The following PLCZ1 variants were observed in gnomAD, a reference collection of about 807,000 sequenced individuals.
PLCZ1 encodes phospholipase C zeta 1, also known as 1-phosphatidylinositol 4,5-bisphosphate phosphodiesterase zeta-1.
PLCZ1 carries 64 observed loss-of-function variants against 76.8 expected under a neutral mutation model. The ratio of observed to expected loss-of-function variants is 0.83; its 90% CI spans 0.68 to 1.03. The LOEUF (loss-of-function observed/expected upper bound fraction) is 1.03, where lower values mean the gene tolerates loss of function less well. Among genes scored for constraint, PLCZ1 ranks in the 50% least tolerant of loss-of-function variants. The pLI is 0.00. For synonymous variants in PLCZ1, 248 were observed against 230.8 expected (o/e 1.07, Z -0.68); for missense variants, 751 against 713.7 (o/e 1.05, Z -0.60).
chr12:18,697,423 C>T (rs768224435), intron 10 of PLCZ1, among the ~76,000 whole-genome samples: 2 of 152,062 alleles, frequency 1.3e-5, no homozygotes, highest in African/African-American at 2.4e-5. Context: ...GATGTCTGTC[C>T]TTAGGCAAAA....
At chr12:18,674,958 C>T in the PLCZ1 span, among the ~76,000 whole-genome samples, 6 of 152,190 alleles carry the variant, frequency 3.9e-5, no homozygotes, top group Admixed American at 2.0e-4. Context: ...GCTCCAGTCA[C>T]GTGAGTGAAG....
intron 10 of PLCZ1, among the ~76,000 whole-genome samples, chr12:18,697,167 C>G (rs370296734): frequency 3.6e-4 from 54 of 152,068 alleles, no homozygotes; most frequent in Non-Finnish European, 4.9e-4. Flanking sequence ...AGTGACTCAT[C>G]ATGGGAGAAT....
intron 3 of PLCZ1, among the ~76,000 whole-genome samples, chr12:18,727,500 T>C (rs1958820449): frequency 6.6e-6 from 1 of 152,152 alleles, no homozygotes; most frequent in African/African-American, 2.4e-5. Flanking sequence ...GGAAGATATT[T>C]GCCTGAAATT....
intron 12 of PLCZ1, chr12:18,692,699 A>G (rs775842598): frequency 1.3e-4 from 98 of 748,000 alleles, no homozygotes; most frequent in Middle Eastern, 3.7e-4. Context: ...AACAAAATCA[A>G]ATACAGACTT....
intron 13 of PLCZ1, among the ~76,000 whole-genome samples, chr12:18,686,513 T>G (rs1277708252): frequency 6.6e-6 from 1 of 151,402 alleles, no homozygotes; most frequent in Non-Finnish European, 1.5e-5. Flanking sequence ...TTAGGACTTG[T>G]GTTCTGTCTC....
At chr12:18,658,772 A>T in the PLCZ1 span, among the ~76,000 whole-genome samples, 1 of 152,166 alleles carries the variant, frequency 6.6e-6, no homozygotes, top group Non-Finnish European at 1.5e-5. Context: ...GAGAGTAAAA[A>T]GGGAGAGAAT....
chr12:18,672,758 C>T, the PLCZ1 span, among the ~76,000 whole-genome samples: 2 of 152,268 alleles, frequency 1.3e-5, no homozygotes, highest in African/African-American at 4.8e-5. Context: ...ACTCTTCCCT[C>T]CCTTCAACCT....
At chr12:18,713,112 T>C (rs1313581001) in intron 5 of PLCZ1, 126 bp from the exon 6 acceptor site, 6 of 1,279,502 alleles carry the variant, frequency 4.7e-6, no homozygotes, top group South Asian at 1.3e-5. Flanking sequence ...TAAAACTCTA[T>C]AAAAACTTGT....
At chr12:18,716,466 A>C (rs1211430714) in intron 5 of PLCZ1, among the ~76,000 whole-genome samples, 1 of 152,170 alleles carries the variant, frequency 6.6e-6, no homozygotes, top group Non-Finnish European at 1.5e-5. Context: ...ACCCAAGAGA[A>C]AGTTTTACCT....
chr12:18,723,481 A>G lies in PLCZ1; in HGVS notation c.197T>C (p.Ile66Thr). 1 of 1,612,976 alleles carries G rather than the reference A, an allele frequency of 6.2e-7. No individual in the cohort carries two copies. Among genetic ancestry groups the G allele is most frequent in the Non-Finnish European group, 8.5e-7 (1 of 1,179,446 alleles). Residue 66 changes from isoleucine to threonine, a missense_variant, in exon 4 of 15, where the codon ATT (isoleucine) becomes ACT (threonine). Coordinates refer to ENST00000266505, the MANE Select transcript of PLCZ1 (RefSeq NM_033123.4). The part of the protein sequence containing the change: ...TIEEFRAIYR[I>T]ITHREEIIEI... The stretch of plus-strand genomic sequence containing the variant: ...AATAATTTCTTCTCTGTGCGTGATA[A>G]TTCGATAAATTGCTCTAAATTCTTC...
intron 5 of PLCZ1, among the ~76,000 whole-genome samples, chr12:18,717,419 T>G (rs1012360380): frequency 6.6e-6 from 1 of 152,186 alleles, no homozygotes; most frequent in East Asian, 1.9e-4. Context: ...TATCTTGGAA[T>G]TAGAAGATAT....
chr12:18,692,171 G>A (rs755864873), intron 12 of PLCZ1, among the ~76,000 whole-genome samples: 3 of 152,134 alleles, frequency 2.0e-5, no homozygotes, highest in Admixed American at 6.6e-5. Flanking sequence ...ACTAAGTAAT[G>A]ACATTGCTGG....
At chr12:18,653,591 A>G in the PLCZ1 span, among the ~76,000 whole-genome samples, 1 of 152,178 alleles carries the variant, frequency 6.6e-6, no homozygotes, top group East Asian at 1.9e-4. Context: ...GTATGTGTGC[A>G]TGCTATTTTG....
chr12:18,651,685 G>A, the PLCZ1 span, among the ~76,000 whole-genome samples: 10 of 152,240 alleles, frequency 6.6e-5, no homozygotes, highest in East Asian at 1.6e-3. Flanking sequence ...GCCTTTGAAG[G>A]CCTTTTCTCT....
chr12:18,689,124 T>G (rs1953660882), intron 12 of PLCZ1, among the ~76,000 whole-genome samples: 1 of 152,108 alleles, frequency 6.6e-6, no homozygotes, highest in Admixed American at 6.6e-5. Flanking sequence ...GGCATCAGCA[T>G]AATTAGACAT....
In PLCZ1 at chr12:18,694,966, A is replaced by AT; in HGVS notation, c.1404dup (p.Ser469IlefsTer4). ...TTTATGTTACTTGGGTTAAAGTATG[A>AT]TTTACTCTCTCTTAAGAAATGTGGT... On this transcript the variant is annotated frameshift_variant, in exon 12 of 15. Transcript: ENST00000266505. LOFTEE classifies it high-confidence loss of function. 6.2e-7 allele frequency: 1 copy of AT among 1,607,562 alleles called. No homozygotes were observed. Among genetic ancestry groups the AT allele is most frequent in the Non-Finnish European group, 8.5e-7 (1 of 1,174,586 alleles).
chr12:18,701,712 C>T lies in PLCZ1; in HGVS notation c.929G>A (p.Arg310Lys). Residue 310 changes from arginine to lysine, a missense_variant, in exon 8 of 15, where the codon AGA becomes AAA. Physicochemically the swap from Arg to Lys is conservative, Grantham distance 26. Transcript: ENST00000266505. ...KIGTLKETHE[R>K]KGSDKRGDNQ... ...CTTACCACGCTTATCAGAACCTTTT[C>T]TTTCATGGGTTTCCTTTAAGGTTCC... 1.9e-6 allele frequency: 3 copies of T among 1,611,448 alleles called. No homozygotes were observed. Among genetic ancestry groups the T allele is most frequent in the Non-Finnish European group, 2.5e-6 (3 of 1,178,754 alleles).
chr12:18,678,007 A>G, the PLCZ1 span, among the ~76,000 whole-genome samples: 1 of 152,100 alleles, frequency 6.6e-6, no homozygotes, highest in Non-Finnish European at 1.5e-5. Flanking sequence ...AGAATATGAG[A>G]AATATAACTC....
At chr12:18,654,077 C>T in the PLCZ1 span, among the ~76,000 whole-genome samples, 1 of 151,850 alleles carries the variant, frequency 6.6e-6, no homozygotes. Flanking sequence ...ATGTGTCAAA[C>T]TGAGTAGTAA....
Sources: gnomAD v4.1 joint callset for allele counts (sites outside exome capture counted in the v4.1 genomes callset) on GRCh38, gnomAD v4.1.1 for gene constraint, MANE v1.5 for transcripts, NCBI Gene and HGNC (gene_info 2026-07-23, HGNC 2026-07-21) for gene names.